Variants in MACROD2 observed in about 807,000 individuals in gnomAD.
MACROD2 encodes the protein ADP-ribose glycohydrolase MACROD2.
MACROD2 carries 36 observed loss-of-function variants against 70.4 expected under a neutral mutation model. The observed-to-expected ratio is 0.51, with a 90% confidence interval of 0.39 to 0.68. The LOEUF (loss-of-function observed/expected upper bound fraction) is 0.68, where lower values mean the gene tolerates loss of function less well. MACROD2 is among the 30% of genes least tolerant of loss of function. The probability of loss-of-function intolerance (pLI) is 0.00; values close to 1 mark genes in which losing one functional copy is unlikely to be tolerated. For missense variants in MACROD2, 496 were observed against 538.4 expected (o/e 0.92, Z 0.78); for synonymous variants, 172 against 178.8 (o/e 0.96, Z 0.30).
chr20:15,774,672 A>C lies in MACROD2; in HGVS notation c.646-88073A>C, dbSNP rs1194644754. Among the ~76,000 whole-genome samples, 3 of 152,136 alleles carry C rather than the reference A, an allele frequency of 2.0e-5. No individual in the cohort carries two copies. In the East Asian group the frequency reaches 5.8e-4, roughly 29 times the overall value. On this transcript the variant is annotated intron_variant, in intron 8 of 17. Coordinates refer to ENST00000684519, the MANE Select transcript of MACROD2 (RefSeq NM_001351661.2). ...AGGGAGGGGGAGGGCAGCACACTGC[A>C]CTGTCTCACCTGGGCATTTTCATTG...
chr20:15,989,675 T>C (rs1482483052), intron 15 of MACROD2, among the ~76,000 whole-genome samples: 1 of 152,164 alleles, frequency 6.6e-6, no homozygotes, highest in Middle Eastern at 3.2e-3. Flanking sequence ...CAAAATAGTG[T>C]CTTAATGGAA....
At chr20:14,193,269 A>G (rs2081402786) in intron 3 of MACROD2, among the ~76,000 whole-genome samples, 1 of 152,216 alleles carries the variant, frequency 6.6e-6, no homozygotes, top group African/African-American at 2.4e-5. Context: ...AGCCAGGGAT[A>G]GAAGAAGTTA....
chr20:14,795,878 A>C (rs1036581329), intron 5 of MACROD2, among the ~76,000 whole-genome samples: 7 of 152,018 alleles, frequency 4.6e-5, no homozygotes, highest in African/African-American at 1.7e-4. Flanking sequence ...AAACCAGGAG[A>C]GACGATTGGT....
At chr20:15,451,417 T>TAAAAAAA (rs35308671) in intron 7 of MACROD2, among the ~76,000 whole-genome samples, 7 of 83,372 alleles carry the variant, frequency 8.4e-5, no homozygotes, top group African/African-American at 1.3e-4. Flanking sequence ...GGGTGGTAAA[T>TAAAAAAA]AAAAAAAAAA....
At chr20:14,953,333 GTCTC>G (rs1180361150) in intron 5 of MACROD2, among the ~76,000 whole-genome samples, 1 of 152,118 alleles carries the variant, frequency 6.6e-6, no homozygotes, top group Non-Finnish European at 1.5e-5. Context: ...TGAGACAGGA[GTCTC>G]TCTCTGTCGC....
At chr20:14,717,968 A>G (rs191427719) in intron 5 of MACROD2, among the ~76,000 whole-genome samples, 155 of 151,848 alleles carry the variant, frequency 1.0e-3, no homozygotes, top group African/African-American at 3.7e-3. Flanking sequence ...CCAAAAATAC[A>G]CACACACACA....
Position 14,244,398 on chromosome 20 carries a change from C to T in MACROD2, c.271+158670C>T, listed in dbSNP as rs539796861. On this transcript the variant is annotated intron_variant, in intron 3 of 17. Coordinates refer to ENST00000684519, the MANE Select transcript of MACROD2 (RefSeq NM_001351661.2). ...TCTGGGGTGATGCTAAAAAAAAAAA[C>T]CCATATTCAGTAGTGAGCAAAAGAG... Among the ~76,000 whole-genome samples the T allele has an allele frequency of 2.6e-5, 4 of 151,624 alleles. No individual in the cohort carries two copies. The East Asian group carries it at 7.8e-4, about 29-fold the overall frequency.
At chr20:15,770,887 CCTT>C (rs1460342726) in intron 8 of MACROD2, among the ~76,000 whole-genome samples, 1 of 152,118 alleles carries the variant, frequency 6.6e-6, no homozygotes, top group East Asian at 1.9e-4. Context: ...CACACTTAAA[CCTT>C]CTTCTCGTGT....
chr20:15,741,763 A>G (rs768208948), intron 8 of MACROD2, among the ~76,000 whole-genome samples: 13 of 152,022 alleles, frequency 8.6e-5, no homozygotes, highest in Non-Finnish European at 1.8e-4. Flanking sequence ...TATTATGTCT[A>G]ATGTTTAGTC....
intron 8 of MACROD2, among the ~76,000 whole-genome samples, chr20:15,599,161 A>G (rs895778184): frequency 2.3e-4 from 35 of 152,126 alleles, no homozygotes; most frequent in African/African-American, 7.2e-4. Flanking sequence ...CGGGCGGATC[A>G]CGAGGTCAGG....
chr20:14,509,006 A>C (rs977870678), intron 4 of MACROD2, among the ~76,000 whole-genome samples: 2 of 152,172 alleles, frequency 1.3e-5, no homozygotes, highest in African/African-American at 4.8e-5. Flanking sequence ...CAATGGAATC[A>C]TATGCAACCA....
chr20:15,838,587 G>C (rs2064138408), intron 8 of MACROD2, among the ~76,000 whole-genome samples: 1 of 152,036 alleles, frequency 6.6e-6, no homozygotes, highest in Non-Finnish European at 1.5e-5. Flanking sequence ...CTATTTCTAT[G>C]GCAATTGTGC....
chr20:14,815,142 T>A (rs1302164498), intron 5 of MACROD2, among the ~76,000 whole-genome samples: 1 of 152,000 alleles, frequency 6.6e-6, no homozygotes, highest in Non-Finnish European at 1.5e-5. Flanking sequence ...AGTAACATAT[T>A]TTAATCTGTT....
chr20:14,060,180 G>C (rs1161224648), intron 2 of MACROD2, among the ~76,000 whole-genome samples: 3 of 152,168 alleles, frequency 2.0e-5, no homozygotes, highest in Non-Finnish European at 4.4e-5. Flanking sequence ...AAAGCTGGTA[G>C]CTGGCTATTT....
chr20:14,261,676 T>C (rs1012106059), intron 3 of MACROD2, among the ~76,000 whole-genome samples: 2 of 152,140 alleles, frequency 1.3e-5, no homozygotes, highest in African/African-American at 4.8e-5. Flanking sequence ...AAATGATTTA[T>C]TCGTTCCTTC....
At chr20:14,349,910 G>A (rs905927501) in intron 3 of MACROD2, among the ~76,000 whole-genome samples, 16 of 148,298 alleles carry the variant, frequency 1.1e-4, no homozygotes, top group East Asian at 4.0e-4. Flanking sequence ...CACCACGCCC[G>A]GCTAATTTTT....
chr20:15,074,203 A>G (rs2075640447), intron 5 of MACROD2, among the ~76,000 whole-genome samples: 1 of 152,220 alleles, frequency 6.6e-6, no homozygotes, highest in Non-Finnish European at 1.5e-5. Flanking sequence ...AAGGCCAAAG[A>G]AGGCATGATT....
chr20:15,120,396 A>G (rs2076021717), intron 5 of MACROD2, among the ~76,000 whole-genome samples: 1 of 152,150 alleles, frequency 6.6e-6, no homozygotes. Flanking sequence ...GCAGTGAGGA[A>G]AACCAACAGA....
chr20:14,983,945 G>C (rs1398481775), intron 5 of MACROD2, among the ~76,000 whole-genome samples: 1 of 152,154 alleles, frequency 6.6e-6, no homozygotes, highest in African/African-American at 2.4e-5. Context: ...GAATAGACTA[G>C]TACCTTTGAC....
Sources: gnomAD v4.1 joint callset for allele counts (sites outside exome capture counted in the v4.1 genomes callset) on GRCh38, gnomAD v4.1.1 for gene constraint, MANE v1.5 for transcripts, NCBI Gene and HGNC (gene_info 2026-07-23, HGNC 2026-07-21) for gene names.